The following CNTLN variants were observed in gnomAD, a reference collection of about 807,000 sequenced individuals.
CNTLN encodes the protein centlein, also known as centlein, centrosomal protein.
A neutral mutation model predicts 180.0 loss-of-function variants in CNTLN; 212 were observed. The ratio of observed to expected loss-of-function variants is 1.18; its 90% CI spans 1.05 to 1.32. The LOEUF is 1.32. Among genes scored for constraint, CNTLN ranks in the 40% most tolerant of loss-of-function variants. The pLI is 0.00. For missense variants in CNTLN, 2,095 were observed against 1,610.9 expected, an observed-to-expected ratio of 1.30 and a Z score of -5.14; for synonymous variants, 722 against 563.1, an observed-to-expected ratio of 1.28 and a Z score of -3.99.
intron 2 of CNTLN, among the ~76,000 whole-genome samples, chr9:17,178,332 G>A (rs1034754022): frequency 1.3e-5 from 2 of 152,160 alleles, no homozygotes; most frequent in Non-Finnish European, 2.9e-5. Flanking sequence ...CCAGACTCAG[G>A]AGCCCAGCTG....
chr9:17,333,985 G>C (rs577152664), intron 10 of CNTLN, among the ~76,000 whole-genome samples: 1 of 152,258 alleles, frequency 6.6e-6, no homozygotes, highest in South Asian at 2.1e-4. Context: ...TGTGTTAATT[G>C]TAAATGTGTG....
rs138094392 is a variant in CNTLN, at chr9:17,210,188, T to C, written c.450-16015T>C. Among the ~76,000 whole-genome samples, 1,592 of 152,286 alleles carry C rather than the reference T, an allele frequency of 0.01. 117 individuals are homozygous for C. In the East Asian group the frequency reaches 0.21, roughly 20 times the overall value. The stretch of plus-strand genomic sequence containing the variant: ...ATTAACTCGTCATTTACATTAGGTA[T>C]ATCACCTAATGCTATTCCTCCCCGC... On this transcript the variant is annotated intron_variant, in intron 2 of 25. Transcript: ENST00000380647.
At chr9:17,490,215 A>G (rs1470913376) in intron 25 of CNTLN, among the ~76,000 whole-genome samples, 1 of 152,102 alleles carries the variant, frequency 6.6e-6, no homozygotes, top group Non-Finnish European at 1.5e-5. Flanking sequence ...TGGAGAGAGG[A>G]GACTGGGAGC....
chr9:17,377,715 T>C (rs1824891312), intron 13 of CNTLN, among the ~76,000 whole-genome samples: 1 of 152,212 alleles, frequency 6.6e-6, no homozygotes, highest in Non-Finnish European at 1.5e-5. Flanking sequence ...TCCTCAGAAC[T>C]TTCTAGATGT....
chr9:17,323,407 C>G (rs558425434), intron 8 of CNTLN, among the ~76,000 whole-genome samples: 6 of 152,268 alleles, frequency 3.9e-5, no homozygotes, highest in East Asian at 1.9e-4. Context: ...CCATGGCACT[C>G]TCATTCAAAT....
chr9:17,178,035 C>T (rs185598505), intron 2 of CNTLN, among the ~76,000 whole-genome samples: 6 of 151,676 alleles, frequency 4.0e-5, no homozygotes, highest in Admixed American at 3.3e-4. Context: ...TTGATTGGTG[C>T]ATTCACAAAC....
At chr9:17,341,336 AG>A (rs1821467097) in intron 11 of CNTLN, among the ~76,000 whole-genome samples, 1 of 152,232 alleles carries the variant, frequency 6.6e-6, no homozygotes, top group South Asian at 2.1e-4. Flanking sequence ...TTTAAATTTT[AG>A]TGGAAAGACT....
rs59168012 is a variant in CNTLN, at chr9:17,237,354, TACACACACAC to T, written c.849+809_849+818del. On this transcript the variant is annotated intron_variant, in intron 5 of 25. Coordinates refer to ENST00000380647, the MANE Select transcript of CNTLN (RefSeq NM_017738.4). ...GGTGGTCTCTCCATGTATATGCCCCTACACACACACACACACACACACACACACACACACA... is the reference window on the plus strand; with the variant it reads ...GGTGGTCTCTCCATGTATATGCCCCTACACACACACACACACACACACACA... Among the ~76,000 whole-genome samples, 741 of 106,484 alleles carry T rather than the reference TACACACACAC, an allele frequency of 7.0e-3. 6 individuals are homozygous for T. Among genetic ancestry groups the T allele is most frequent in the Middle Eastern group, 0.02 (4 of 198 alleles). 69.9% of individuals were successfully genotyped at this position (106,484 alleles called of 152,430 possible). A position where few individuals can be genotyped will look rare whatever the true frequency, so the allele number is the denominator to read the frequency against.
chr9:17,511,177 T>C, the CNTLN span, among the ~76,000 whole-genome samples: 1 of 152,178 alleles, frequency 6.6e-6, no homozygotes, highest in African/African-American at 2.4e-5. Context: ...CCTGCTTATG[T>C]GGTCTTTTTA....
intron 2 of CNTLN, chr9:17,166,837 T>A (rs1168559638): frequency 2.3e-6 from 1 of 440,168 alleles, no homozygotes; most frequent in Non-Finnish European, 4.6e-6. Context: ...GGAAGATGTG[T>A]ACCACCAAAA....
At chr9:17,426,810 C>A (rs2584554) in intron 18 of CNTLN, among the ~76,000 whole-genome samples, 1 of 151,716 alleles carries the variant, frequency 6.6e-6, no homozygotes, top group Non-Finnish European at 1.5e-5. Flanking sequence ...AATTGTAATT[C>A]ATTGTGGTAA....
intron 7 of CNTLN, chr9:17,300,869 C>G (rs1818295891): frequency 1.9e-6 from 1 of 522,740 alleles, no homozygotes; most frequent in East Asian, 1.5e-4. Context: ...CAAGGTAATA[C>G]TTTCTTCCAG....
At chr9:17,510,684 C>A in the CNTLN span, among the ~76,000 whole-genome samples, 1 of 152,190 alleles carries the variant, frequency 6.6e-6, no homozygotes, top group Non-Finnish European at 1.5e-5. Context: ...AGCCTGCCTG[C>A]CCACTCTGCA....
At chr9:17,523,199 G>A in the CNTLN span, among the ~76,000 whole-genome samples, 1 of 152,108 alleles carries the variant, frequency 6.6e-6, no homozygotes, top group East Asian at 1.9e-4. Flanking sequence ...GTCCTAGAAC[G>A]TGAACAGGGG....
At chr9:17,316,154 T>C (rs532186415) in intron 8 of CNTLN, among the ~76,000 whole-genome samples, 2 of 152,154 alleles carry the variant, frequency 1.3e-5, no homozygotes, top group South Asian at 4.1e-4. Flanking sequence ...TTGTTATCTC[T>C]TTTTGATGAA....
intron 19 of CNTLN, among the ~76,000 whole-genome samples, chr9:17,460,850 A>G (rs1006824897): frequency 3.3e-5 from 5 of 151,720 alleles, no homozygotes; most frequent in African/African-American, 1.2e-4. Context: ...TTTAAATACA[A>G]TTCTAAGTTT....
chr9:17,521,487 G>A, the CNTLN span, among the ~76,000 whole-genome samples: 26 of 152,072 alleles, frequency 1.7e-4, no homozygotes, highest in African/African-American at 5.3e-4. Flanking sequence ...TTTTTCCCCC[G>A]AATTCACTCT....
chr9:17,343,264 C>G (rs1821626276), intron 12 of CNTLN, among the ~76,000 whole-genome samples: 1 of 152,158 alleles, frequency 6.6e-6, no homozygotes, highest in Non-Finnish European at 1.5e-5. Flanking sequence ...ACCTCTTCTG[C>G]TACTTAACTA....
chr9:17,349,712 C>T (rs1371993411), intron 12 of CNTLN, among the ~76,000 whole-genome samples: 1 of 152,048 alleles, frequency 6.6e-6, no homozygotes, highest in African/African-American at 2.4e-5. Context: ...ATATATCTAT[C>T]ATATCATAAC....
Sources: gnomAD v4.1 joint callset for allele counts (sites outside exome capture counted in the v4.1 genomes callset) on GRCh38, gnomAD v4.1.1 for gene constraint, MANE v1.5 for transcripts, NCBI Gene and HGNC (gene_info 2026-07-23, HGNC 2026-07-21) for gene names.